MLLT3: variants seen among roughly 807,000 people sequenced by gnomAD.
The protein encoded by MLLT3 is MLLT3 super elongation complex subunit.
Under a neutral mutation model 53.2 loss-of-function variants are expected in MLLT3, and 4 were observed. That is an observed-to-expected ratio of 0.08 (90% CI 0.04 to 0.17). The LOEUF is 0.17. MLLT3 is among the 10% of genes least tolerant of loss of function. The pLI is 1.00. For missense variants in MLLT3, 569 were observed against 684.0 expected, an observed-to-expected ratio of 0.83 and a Z score of 1.87; for synonymous variants, 283 against 230.6, an observed-to-expected ratio of 1.23 and a Z score of -2.06.
chr9:20,502,090 A>G (rs1432066519), intron 2 of MLLT3, among the ~76,000 whole-genome samples: 1 of 119,456 alleles, frequency 8.4e-6, no homozygotes, highest in Non-Finnish European at 1.9e-5. Flanking sequence ...TCAAAAAAAA[A>G]AAAGGGGGGG....
At chr9:20,481,489 T>C (rs1365846338) in intron 2 of MLLT3, among the ~76,000 whole-genome samples, 2 of 152,128 alleles carry the variant, frequency 1.3e-5, no homozygotes, top group Non-Finnish European at 2.9e-5. Context: ...CGGCCAACTG[T>C]ACTTGACTTG....
intron 2 of MLLT3, among the ~76,000 whole-genome samples, chr9:20,554,403 C>A (rs921773466): frequency 1.9e-4 from 29 of 152,056 alleles, no homozygotes; most frequent in Non-Finnish European, 3.1e-4. Flanking sequence ...TACATAAAAC[C>A]AAATTACATA....
At chr9:20,583,566 T>C (rs1269342245) in intron 2 of MLLT3, among the ~76,000 whole-genome samples, 1 of 152,148 alleles carries the variant, frequency 6.6e-6, no homozygotes, top group Non-Finnish European at 1.5e-5. Context: ...TTTCCATACA[T>C]CTTCTGCAAT....
intron 2 of MLLT3, among the ~76,000 whole-genome samples, chr9:20,572,710 C>T (rs1367672797): frequency 6.6e-6 from 1 of 152,156 alleles, no homozygotes; most frequent in Admixed American, 6.5e-5. Context: ...GGAAGGATTG[C>T]TTGAACCCTG....
chr9:20,571,017 C>T (rs1182405977), intron 2 of MLLT3, among the ~76,000 whole-genome samples: 1 of 152,210 alleles, frequency 6.6e-6, no homozygotes, highest in African/African-American at 2.4e-5. Context: ...AAACTCTAGG[C>T]TTTATCACTC....
intron 4 of MLLT3, among the ~76,000 whole-genome samples, chr9:20,428,269 A>G (rs370753103): frequency 6.6e-6 from 1 of 152,154 alleles, no homozygotes; most frequent in African/African-American, 2.4e-5. Flanking sequence ...TCAAAACTTT[A>G]TAGATTAACA....
At chr9:20,587,532 G>GAA (rs10707662) in intron 2 of MLLT3, among the ~76,000 whole-genome samples, 1 of 150,338 alleles carries the variant, frequency 6.7e-6, no homozygotes, top group African/African-American at 2.4e-5. Context: ...TAAGATAAAA[G>GAA]AAAAAAAAAT....
intron 2 of MLLT3, among the ~76,000 whole-genome samples, chr9:20,545,478 G>A (rs11791670): frequency 0.42 from 64,264 of 151,826 alleles, 14,114 homozygotes; most frequent in South Asian, 0.51. Context: ...GAGTTCTGGG[G>A]AACTGTTTCA....
chr9:20,549,363 C>T (rs902828893), intron 2 of MLLT3, among the ~76,000 whole-genome samples: 2 of 152,134 alleles, frequency 1.3e-5, no homozygotes, highest in Non-Finnish European at 2.9e-5. Flanking sequence ...ATCTCTGTTA[C>T]CAACCCAGCA....
rs1819206221 is a variant in MLLT3 at position 20,561,386 on chromosome 9, A to T, written c.193+59268T>A. ...CCCCAAAATAATTAATCCCAAAATA[A>T]ATTCGTGTAATTAAAACTTTTCTGA... On this transcript the variant is annotated intron_variant, in intron 2 of 10. Coordinates refer to ENST00000380338, the MANE Select transcript of MLLT3 (RefSeq NM_004529.4). Among the ~76,000 whole-genome samples, 3 of 152,166 alleles carry T rather than the reference A, an allele frequency of 2.0e-5. No homozygotes were observed. The South Asian group carries it at 6.2e-4, about 32-fold the overall frequency.
intron 4 of MLLT3, among the ~76,000 whole-genome samples, chr9:20,431,510 A>C (rs1823267626): frequency 6.6e-6 from 1 of 152,160 alleles, no homozygotes; most frequent in Non-Finnish European, 1.5e-5. Context: ...ACTGAATTCC[A>C]TGTAGTAAAG....
chr9:20,583,193 A>C (rs886581417), intron 2 of MLLT3, among the ~76,000 whole-genome samples: 2 of 152,168 alleles, frequency 1.3e-5, no homozygotes, highest in East Asian at 3.9e-4. Context: ...TTAAAGCTCC[A>C]AAATGATCTC....
chr9:20,554,608 A>G (rs1337469460), intron 2 of MLLT3, among the ~76,000 whole-genome samples: 3 of 152,206 alleles, frequency 2.0e-5, no homozygotes, highest in Non-Finnish European at 2.9e-5. Context: ...AAAGCTGATT[A>G]TATATACTTT....
intron 2 of MLLT3, among the ~76,000 whole-genome samples, chr9:20,504,924 G>A (rs545008440): frequency 6.6e-6 from 1 of 151,892 alleles, no homozygotes; most frequent in Admixed American, 6.6e-5. Flanking sequence ...TTTTCAGAAA[G>A]GTATTTGTCC....
At chr9:20,564,313 T>C (rs1049414339) in intron 2 of MLLT3, among the ~76,000 whole-genome samples, 1 of 150,918 alleles carries the variant, frequency 6.6e-6, no homozygotes, top group African/African-American at 2.4e-5. Context: ...CTTGAAATTC[T>C]TCCAGGGGAG....
At chr9:20,541,505 C>T (rs1031031091) in intron 2 of MLLT3, among the ~76,000 whole-genome samples, 4 of 152,290 alleles carry the variant, frequency 2.6e-5, no homozygotes, top group East Asian at 1.9e-4. Flanking sequence ...AAGCAAGGCA[C>T]ATCTCACATG....
At chr9:20,482,998 T>G (rs777938419) in intron 2 of MLLT3, among the ~76,000 whole-genome samples, 1 of 152,096 alleles carries the variant, frequency 6.6e-6, no homozygotes, top group Non-Finnish European at 1.5e-5. Context: ...GATTGTACAG[T>G]ACTACTTACA....
intron 2 of MLLT3, among the ~76,000 whole-genome samples, chr9:20,586,451 T>A (rs575231556): frequency 6.7e-6 from 1 of 148,376 alleles, no homozygotes; most frequent in Middle Eastern, 3.6e-3. Context: ...ATCCCAAAAG[T>A]GATATCACTG....
rs1820807854 is a variant in MLLT3 at position 20,344,169 on chromosome 9, T to C, written c.*2274A>G. The C allele has an allele frequency of 5.1e-6, 1 of 196,046 alleles. No homozygotes were observed. Among genetic ancestry groups the C allele is most frequent in the Non-Finnish European group, 1.1e-5 (1 of 94,518 alleles). The allele number at this position is 196,046 out of a possible 1,614,324, so 12.1% of individuals were successfully genotyped here. A position where few individuals can be genotyped will look rare whatever the true frequency, so the allele number is the denominator to read the frequency against. ...TAGCTGTCCTTCTTATCATTATTTT[T>C]GTTTGGTCATTTCTTATCTTACCTA... is the stretch of plus-strand genomic sequence containing the variant. On this transcript the variant is annotated 3_prime_UTR_variant, in exon 11 of 11. Coordinates refer to ENST00000380338, the MANE Select transcript of MLLT3 (RefSeq NM_004529.4).
Sources: allele counts gnomAD v4.1 joint callset (sites outside exome capture counted in the v4.1 genomes callset), GRCh38; gene constraint gnomAD v4.1.1; transcripts MANE v1.5; gene names NCBI Gene and HGNC (gene_info 2026-07-23, HGNC 2026-07-21).